Variants in FMN2 observed in about 807,000 individuals in gnomAD.
FMN2 encodes the protein formin 2.
A neutral mutation model predicts 142.3 loss-of-function variants in FMN2; 51 were observed. That is an observed-to-expected ratio of 0.36 (90% confidence interval 0.29 to 0.45). FMN2 has a LOEUF of 0.45. Among genes scored for constraint, FMN2 ranks in the 20% least tolerant of loss-of-function variants. FMN2 has a pLI of 1.00. For synonymous variants in FMN2, 882 were observed against 869.8 expected (o/e 1.01, Z -0.25); for missense variants, 1,936 against 2,122.8 (o/e 0.91, Z 1.73).
intron 2 of FMN2, among the ~76,000 whole-genome samples, chr1:240,141,168 A>G (rs935584704): frequency 1.3e-5 from 2 of 152,200 alleles, no homozygotes; most frequent in African/African-American, 4.8e-5. Flanking sequence ...CTTCTGGGTC[A>G]GGTGAATGTG....
At chr1:240,420,524 G>T (rs574899963) in intron 15 of FMN2, among the ~76,000 whole-genome samples, 163 of 152,252 alleles carry the variant, frequency 1.1e-3, no homozygotes, top group African/African-American at 3.8e-3. Flanking sequence ...TTGTCCTATT[G>T]TCCTGCAGCC....
At chr1:240,406,660 G>A (rs1674212264) in intron 15 of FMN2, among the ~76,000 whole-genome samples, 1 of 152,112 alleles carries the variant, frequency 6.6e-6, no homozygotes, top group Admixed American at 6.6e-5. Flanking sequence ...GTAGTGACCT[G>A]CCACTCATGG....
rs553512458 is a variant in FMN2 at position 240,239,940 on chromosome 1, G to C, written c.4066-18005G>C. On this transcript the variant is annotated intron_variant, in intron 6 of 17. Coordinates refer to ENST00000319653, the MANE Select transcript of FMN2 (RefSeq NM_020066.5). ...ACTACAAAGGAAGGGAACTATTTTG[G>C]TTGTTATTTGTTTTTCATAATTTCC... 3.9e-5 allele frequency among the ~76,000 whole-genome samples: 6 copies of C among 152,216 alleles called. No homozygotes were observed. The South Asian group carries it at 1.0e-3, about 26-fold the overall frequency.
chr1:240,204,793 A>G (rs777096864), intron 4 of FMN2, among the ~76,000 whole-genome samples: 3 of 152,164 alleles, frequency 2.0e-5, no homozygotes, highest in Non-Finnish European at 2.9e-5. Flanking sequence ...ATGGGGGGAA[A>G]AAGGTGCCCT....
chr1:240,330,148 T>G (rs1448173371), intron 10 of FMN2, among the ~76,000 whole-genome samples: 1 of 152,206 alleles, frequency 6.6e-6, no homozygotes, highest in African/African-American at 2.4e-5. Context: ...AATTTAGAAA[T>G]TAATCTCTGA....
chr1:240,450,896 A>G (rs894497298), intron 16 of FMN2, among the ~76,000 whole-genome samples: 24 of 152,128 alleles, frequency 1.6e-4, no homozygotes, highest in African/African-American at 5.8e-4. Flanking sequence ...CACCTCCACC[A>G]TGGCGTTGTG....
intron 6 of FMN2, among the ~76,000 whole-genome samples, chr1:240,228,872 T>A (rs1006472501): frequency 1.3e-5 from 2 of 152,090 alleles, no homozygotes; most frequent in Non-Finnish European, 2.9e-5. Context: ...TAGGCAAGAG[T>A]TCATTAATCT....
chr1:240,259,121 G>T (rs1316936919), intron 7 of FMN2, among the ~76,000 whole-genome samples: 1 of 152,184 alleles, frequency 6.6e-6, no homozygotes, highest in Non-Finnish European at 1.5e-5. Context: ...AACATTTGGG[G>T]TAATAGTCAT....
intron 2 of FMN2, chr1:240,143,962 G>T: frequency 7.0e-7 from 1 of 1,427,054 alleles, no homozygotes; most frequent in South Asian, 1.1e-5. Flanking sequence ...TGTTGCTGTT[G>T]TGGAGAACAT....
chr1:240,425,251 G>A (rs1369962378), intron 15 of FMN2, among the ~76,000 whole-genome samples: 1 of 136,828 alleles, frequency 7.3e-6, no homozygotes, highest in Non-Finnish European at 1.6e-5. Context: ...AGACACTTGG[G>A]TGAAGAGCAT....
At chr1:240,145,530 A>ATTTTTT (rs71168902) in intron 2 of FMN2, 38 of 84,368 alleles carry the variant, frequency 4.5e-4, no homozygotes, top group Non-Finnish European at 5.7e-4. Context: ...TTCTTTTTCT[A>ATTTTTT]TTTTTTTTTT....
intron 2 of FMN2, among the ~76,000 whole-genome samples, chr1:240,138,713 CA>C (rs201207670): frequency 4.6e-5 from 7 of 150,648 alleles, no homozygotes; most frequent in African/African-American, 9.8e-5. Context: ...TCTCAAAAAA[CA>C]AAAAAAAATT....
chr1:240,184,084 A>T (rs1435712228), intron 3 of FMN2, among the ~76,000 whole-genome samples: 6 of 152,078 alleles, frequency 3.9e-5, no homozygotes, highest in African/African-American at 1.4e-4. Context: ...GTAAATACAC[A>T]GCTCATCCAA....
intron 15 of FMN2, among the ~76,000 whole-genome samples, chr1:240,434,431 C>G (rs1000106480): frequency 6.6e-6 from 1 of 152,130 alleles, no homozygotes; most frequent in Admixed American, 6.5e-5. Context: ...TCACTGAGGG[C>G]TACCTAATGC....
chr1:240,142,789 T>C (rs1269450116), intron 2 of FMN2: 2 of 1,588,168 alleles, frequency 1.3e-6, no homozygotes, highest in Non-Finnish European at 1.7e-6. Context: ...ACTGGGGTTG[T>C]ATGTGTCTGG....
intron 1 of FMN2, among the ~76,000 whole-genome samples, chr1:240,095,037 T>G (rs1406311178): frequency 6.6e-6 from 1 of 151,112 alleles, no homozygotes; most frequent in Non-Finnish European, 1.5e-5. Flanking sequence ...TTGTGTAGAT[T>G]GTTAAAAAGA....
rs753572260 is a variant in FMN2 at position 240,330,699 on chromosome 1, G to A, written c.4534G>A (p.Asp1512Asn). The change falls in exon 11 of 18, where the codon GAT becomes AAT. Residue 1512 changes from aspartate (D) to asparagine (N), a missense_variant. Physicochemically the swap from Asp to Asn is conservative, Grantham distance 23. This residue lies in a region of FMN2 where 322 missense variants were observed against 401.6 expected (regional missense o/e 0.80). Transcript: ENST00000319653. ...NGGNKTRGQADGFGLDILPKL... is the reference protein window; with the variant it reads ...NGGNKTRGQANGFGLDILPKL... ...AGGAAATAAGACTCGAGGACAGGCA[G>A]ATGGCTTTGGATTAGACATTCTTCC... 1.1e-5 allele frequency: 18 copies of A among 1,613,926 alleles called. No homozygotes were observed. Among genetic ancestry groups the A allele is most frequent in the Non-Finnish European group, 1.4e-5 (17 of 1,179,934 alleles).
At chr1:240,459,484 C>A (rs1195148666) in intron 16 of FMN2, 1 of 152,116 alleles carries the variant, frequency 6.6e-6, no homozygotes, top group Non-Finnish European at 1.5e-5. Flanking sequence ...CTTTGGGAGG[C>A]TGAGGTGGGC....
At chr1:240,323,165 C>T (rs924439086) in intron 8 of FMN2, among the ~76,000 whole-genome samples, 10 of 146,872 alleles carry the variant, frequency 6.8e-5, no homozygotes, top group African/African-American at 2.3e-4. Context: ...TTCTCTTTCT[C>T]TCTTTCTCTC....
Sources: gnomAD v4.1 joint callset for allele counts (sites outside exome capture counted in the v4.1 genomes callset) on GRCh38, gnomAD v4.1.1 for gene constraint, gnomAD v4.1.1 regional missense constraint, MANE v1.5 for transcripts, NCBI Gene and HGNC (gene_info 2026-07-23, HGNC 2026-07-21) for gene names.